The following RHOA variants were observed in gnomAD, a reference collection of about 807,000 sequenced individuals.
The protein encoded by RHOA is ras homolog family member A, also known as transforming protein RhoA.
Under a neutral mutation model 17.5 loss-of-function variants are expected in RHOA, and 3 were observed. The observed-to-expected ratio is 0.17, with a 90% CI of 0.08 to 0.44. RHOA has a LOEUF of 0.44. Among genes scored for constraint, RHOA ranks in the 20% least tolerant of loss-of-function variants. The pLI is 0.99. For synonymous variants in RHOA, 98 were observed against 88.4 expected (o/e 1.11, Z -0.61); for missense variants, 56 against 242.3 (o/e 0.23, Z 5.10).
intron 3 of RHOA, among the ~76,000 whole-genome samples, chr3:49,368,226 T>C (rs557313746): frequency 2.7e-4 from 41 of 152,064 alleles, no homozygotes; most frequent in Non-Finnish European, 5.6e-4. Flanking sequence ...GTGGATACAT[T>C]TTAAATACAG....
intron 1 of RHOA, among the ~76,000 whole-genome samples, chr3:49,387,141 A>C (rs2048410352): frequency 1.6e-5 from 2 of 125,774 alleles, no homozygotes; most frequent in Non-Finnish European, 3.2e-5. Context: ...AAAAAAAAAA[A>C]AAAAAAAAAA....
At chr3:49,381,572 CAA>C (rs1157199249) in intron 1 of RHOA, among the ~76,000 whole-genome samples, 1 of 131,044 alleles carries the variant, frequency 7.6e-6, no homozygotes. Context: ...GAGACTCTGT[CAA>C]AAAAAAAAAA....
At chr3:49,365,433 G>A (rs2048039990) in intron 3 of RHOA, among the ~76,000 whole-genome samples, 1 of 151,860 alleles carries the variant, frequency 6.6e-6, no homozygotes, top group African/African-American at 2.4e-5. Context: ...GTGAGCCACA[G>A]TGCCTGGCCT....
intron 1 of RHOA, among the ~76,000 whole-genome samples, chr3:49,394,883 G>A (rs530828454): frequency 2.6e-5 from 4 of 152,194 alleles, no homozygotes; most frequent in South Asian, 4.1e-4. Flanking sequence ...TGGAAAGAGC[G>A]GTAACGATGG....
intron 2 of RHOA, among the ~76,000 whole-genome samples, chr3:49,374,461 G>A (rs1489795428): frequency 1.3e-5 from 2 of 152,242 alleles, no homozygotes; most frequent in Non-Finnish European, 2.9e-5. Flanking sequence ...GCTCACGCCT[G>A]TAATCCCAGC....
intron 1 of RHOA, among the ~76,000 whole-genome samples, chr3:49,391,965 T>TGCC (rs879257868): frequency 7.3e-4 from 110 of 151,486 alleles, no homozygotes; most frequent in Middle Eastern, 3.4e-3. Flanking sequence ...GTAGCTGGGA[T>TGCC]TATAGGCATC....
chr3:49,392,121 C>G (rs1238424372), intron 1 of RHOA, among the ~76,000 whole-genome samples: 2 of 152,054 alleles, frequency 1.3e-5, no homozygotes, highest in Non-Finnish European at 2.9e-5. Context: ...AGCCACCACA[C>G]ATGGCCAATT....
chr3:49,393,607 T>C (rs2048550379), intron 1 of RHOA, among the ~76,000 whole-genome samples: 1 of 147,860 alleles, frequency 6.8e-6, no homozygotes, highest in Non-Finnish European at 1.5e-5. Context: ...TTTTTTTTTT[T>C]TTTTTTTTTT....
chr3:49,370,963 A>G (rs1001524536), intron 2 of RHOA, among the ~76,000 whole-genome samples: 3 of 152,078 alleles, frequency 2.0e-5, no homozygotes, highest in African/African-American at 7.2e-5. Flanking sequence ...AACCTCCACA[A>G]GGCCCACTGT....
At chr3:49,369,755 A>T (rs1381471553) in intron 2 of RHOA, among the ~76,000 whole-genome samples, 1 of 149,698 alleles carries the variant, frequency 6.7e-6, no homozygotes, top group Non-Finnish European at 1.5e-5. Flanking sequence ...AAAAAAAAAA[A>T]AATAAATAAA....
chr3:49,391,615 C>T (rs894604632), intron 1 of RHOA, among the ~76,000 whole-genome samples: 11 of 152,038 alleles, frequency 7.2e-5, no homozygotes, highest in Non-Finnish European at 1.3e-4. Context: ...GCGATCTCAA[C>T]TCACTACAAC....
chr3:49,393,676 C>CTGTGTGTGTGTGTGTGTGTGTG (rs71080504), intron 1 of RHOA, among the ~76,000 whole-genome samples: 1 of 10,360 alleles, frequency 9.7e-5, no homozygotes, highest in African/African-American at 2.4e-4. Context: ...AATTCTCTCT[C>CTGTGTGTGTGTGTGTGTGTGTG]TGTGTGTGTG....
intron 1 of RHOA, among the ~76,000 whole-genome samples, chr3:49,389,947 A>G (rs1387230973): frequency 6.6e-6 from 1 of 151,752 alleles, no homozygotes; most frequent in Admixed American, 6.6e-5. Flanking sequence ...AAAAAAAAAA[A>G]AAAAAAAAAA....
At chr3:49,393,729 T>TGTGTGTGTGTGAGA (rs1553635013) in intron 1 of RHOA, among the ~76,000 whole-genome samples, 1 of 136,746 alleles carries the variant, frequency 7.3e-6, no homozygotes, top group Non-Finnish European at 1.5e-5. Context: ...TGTGTGTGTG[T>TGTGTGTGTGTGAGA]GACAGAATCT....
chr3:49,406,700 C>T (rs927189115), intron 1 of RHOA: 5 of 151,968 alleles, frequency 3.3e-5, no homozygotes, highest in South Asian at 2.1e-4. Flanking sequence ...GCACGAGAAT[C>T]GCTTGACTCA....
At chr3:49,360,858 G>A (rs761640452) in intron 4 of RHOA, 473 of 249,306 alleles carry the variant, frequency 1.9e-3, no homozygotes, top group Non-Finnish European at 3.1e-3. Flanking sequence ...GGCGGATCAC[G>A]AGTTTAGGAG....
At chr3:49,361,351 A>C (rs1361422103) in intron 4 of RHOA, among the ~76,000 whole-genome samples, 1 of 152,208 alleles carries the variant, frequency 6.6e-6, no homozygotes, top group African/African-American at 2.4e-5. Flanking sequence ...CTTAGGTTGA[A>C]GATCTCAATG....
chr3:49,379,313 T>G (rs1045998095), intron 1 of RHOA, among the ~76,000 whole-genome samples: 1 of 152,100 alleles, frequency 6.6e-6, no homozygotes, highest in Non-Finnish European at 1.5e-5. Context: ...TTATATAAAA[T>G]TGTCCAGAAT....
chr3:49,372,322 CA>C (rs1231714812), intron 2 of RHOA, among the ~76,000 whole-genome samples: 1 of 152,108 alleles, frequency 6.6e-6, no homozygotes, highest in Non-Finnish European at 1.5e-5. Context: ...GGGTACATCC[CA>C]AAATTCTGTT....
Sources: allele counts gnomAD v4.1 joint callset (sites outside exome capture counted in the v4.1 genomes callset), GRCh38; gene constraint gnomAD v4.1.1; transcripts MANE v1.5; gene names NCBI Gene and HGNC (gene_info 2026-07-23, HGNC 2026-07-21).